Variants in TIPIN observed in about 807,000 individuals in gnomAD.
The protein encoded by TIPIN is TIMELESS-interacting protein.
In TIPIN, 29 loss-of-function variants were observed where a neutral mutation model predicts 35.6. The observed-to-expected ratio is 0.82, with a 90% CI of 0.61 to 1.11. The LOEUF is 1.11. Ranked by LOEUF, TIPIN falls within the 50% of genes most tolerant of loss-of-function variation. The probability of loss-of-function intolerance (pLI) is 0.00; values close to 1 mark genes in which losing one functional copy is unlikely to be tolerated. For synonymous variants in TIPIN, 102 were observed against 121.5 expected, an observed-to-expected ratio of 0.84 and a Z score of 1.06; for missense variants, 296 against 345.4, an observed-to-expected ratio of 0.86 and a Z score of 1.13.
Position 66,337,012 on chromosome 15 carries a change from T to A in TIPIN, c.852A>T (p.Lys284Asn). The A allele has an allele frequency of 6.2e-7, 1 of 1,613,848 alleles. No homozygotes were observed. The highest frequency in any genetic ancestry group is 8.5e-7 in the Non-Finnish European group (1 of 1,179,810). The change falls in exon 8 of 8, where the codon AAA becomes AAT. Residue 284 changes from lysine to asparagine, a missense_variant. Transcript: ENST00000261881. Reference protein sequence around the residue: ...EEETLLDQSFKNVQQQLDATS... With the variant: ...EEETLLDQSFNNVQQQLDATS... ...TAGCATCAAGTTGCTGTTGCACATTTTTAAAAGACTGGTCCAGCAGTGTTT... is the reference window on the plus strand; with the variant it reads ...TAGCATCAAGTTGCTGTTGCACATTATTAAAAGACTGGTCCAGCAGTGTTT...
chr15:66,386,258 C>G (rs1016437991), intron 1 of TIPIN, among the ~76,000 whole-genome samples: 1 of 151,314 alleles, frequency 6.6e-6, no homozygotes, highest in Non-Finnish European at 1.5e-5. Flanking sequence ...CGCCACTACA[C>G]TCCAGGCTGG....
chr15:66,365,833 C>T (rs541010014), intron 1 of TIPIN, among the ~76,000 whole-genome samples: 36 of 152,232 alleles, frequency 2.4e-4, no homozygotes, highest in African/African-American at 8.4e-4. Flanking sequence ...GTGTGAGCCA[C>T]CGCGCCCAGC....
chr15:66,347,291 C>T (rs567302249), intron 6 of TIPIN: 2 of 517,456 alleles, frequency 3.9e-6, no homozygotes, highest in South Asian at 1.4e-5. Context: ...GTGTGACTGT[C>T]TATGGTTGCA....
At chr15:66,352,082 A>T in intron 3 of TIPIN, 47 bp downstream of exon 3, 1 of 1,401,050 alleles carries the variant, frequency 7.1e-7, no homozygotes, top group Non-Finnish European at 9.7e-7. Flanking sequence ...AAAACAATGG[A>T]TATTAAAAAT....
chr15:66,364,970 A>AAAAAAAAAAAAGAAAAAG (rs1555409817), intron 1 of TIPIN, among the ~76,000 whole-genome samples: 2 of 137,606 alleles, frequency 1.5e-5, no homozygotes, highest in Admixed American at 1.5e-4. Context: ...CCATCTCAAA[A>AAAAAAAAAAAAGAAAAAG]AAAAAGAAAA....
At chr15:66,342,686 G>A (rs2093097403) in intron 6 of TIPIN, among the ~76,000 whole-genome samples, 1 of 152,090 alleles carries the variant, frequency 6.6e-6, no homozygotes, top group East Asian at 1.9e-4. Flanking sequence ...TTTTATGTAG[G>A]ACATTATCTT....
chr15:66,359,970 C>T (rs2093224033), upstream of TIPIN, among the ~76,000 whole-genome samples: 1 of 152,036 alleles, frequency 6.6e-6, no homozygotes, highest in Non-Finnish European at 1.5e-5. Context: ...TGCAGTGACA[C>T]AATCATAGCT....
intron 1 of TIPIN, among the ~76,000 whole-genome samples, chr15:66,363,707 G>A (rs2093240920): frequency 6.7e-6 from 1 of 150,232 alleles, no homozygotes; most frequent in African/African-American, 2.5e-5. Flanking sequence ...GCACCGCTGG[G>A]TGCGGTGGCT....
At chr15:66,338,581 G>A (rs62627333) in intron 7 of TIPIN, among the ~76,000 whole-genome samples, 2 of 152,116 alleles carry the variant, frequency 1.3e-5, no homozygotes, top group East Asian at 3.9e-4. Context: ...TTAGGAGACC[G>A]AGGTGGGTGG....
intron 6 of TIPIN, among the ~76,000 whole-genome samples, chr15:66,345,024 C>T (rs761135959): frequency 2.0e-5 from 3 of 152,002 alleles, no homozygotes; most frequent in Non-Finnish European, 2.9e-5. Flanking sequence ...TAAAGACAAA[C>T]TAAAACATAA....
intron 1 of TIPIN, among the ~76,000 whole-genome samples, chr15:66,370,002 A>G (rs915370060): frequency 6.6e-6 from 1 of 152,172 alleles, no homozygotes; most frequent in South Asian, 2.1e-4. Flanking sequence ...CCCAATTATG[A>G]CATGTATTTG....
At chr15:66,339,024 G>C (rs924370181) in intron 7 of TIPIN, among the ~76,000 whole-genome samples, 1 of 146,760 alleles carries the variant, frequency 6.8e-6, no homozygotes, top group African/African-American at 2.5e-5. Context: ...CTAGCTACTT[G>C]AGGAGGCTGA....
intron 7 of TIPIN, among the ~76,000 whole-genome samples, chr15:66,340,011 A>G (rs2093073914): frequency 6.6e-6 from 1 of 150,636 alleles, no homozygotes; most frequent in African/African-American, 2.4e-5. Flanking sequence ...CTGGGTTTAC[A>G]GGCAGGTACA....
At chr15:66,370,158 T>C (rs182199924) in intron 1 of TIPIN, among the ~76,000 whole-genome samples, 1,884 of 152,216 alleles carry the variant, frequency 0.012, 33 homozygotes, top group African/African-American at 0.041. Flanking sequence ...TGGTATGTCC[T>C]GAGTATATCT....
chr15:66,363,591 G>A (rs1304330748), intron 1 of TIPIN, among the ~76,000 whole-genome samples: 10 of 151,604 alleles, frequency 6.6e-5, no homozygotes, highest in African/African-American at 1.9e-4. Flanking sequence ...GCAGTGAGCC[G>A]AGATCGCGCC....
intron 1 of TIPIN, among the ~76,000 whole-genome samples, chr15:66,367,581 G>A (rs1367610714): frequency 1.3e-5 from 2 of 151,746 alleles, no homozygotes; most frequent in Non-Finnish European, 2.9e-5. Context: ...TTTTAGTAGA[G>A]ATGGGATTTC....
intron 1 of TIPIN, 130 bp from the exon 2 acceptor site, chr15:66,353,085 G>C: frequency 1.2e-6 from 1 of 834,770 alleles, no homozygotes. Context: ...ATCATGAAAA[G>C]TAGAGAAGAT....
intron 1 of TIPIN, among the ~76,000 whole-genome samples, chr15:66,376,418 AT>A (rs995699679): frequency 6.3e-4 from 95 of 151,436 alleles, no homozygotes; most frequent in African/African-American, 2.2e-3. Flanking sequence ...ATGTCTAATA[AT>A]TTTTTTCTTT....
chr15:66,361,900 A>G (rs1296933058), intron 1 of TIPIN, among the ~76,000 whole-genome samples: 2 of 152,014 alleles, frequency 1.3e-5, no homozygotes, highest in African/African-American at 2.4e-5. Context: ...AATCACTCCA[A>G]TGTGGAAGTG....
Sources: gnomAD v4.1 joint callset for allele counts (sites outside exome capture counted in the v4.1 genomes callset) on GRCh38, gnomAD v4.1.1 for gene constraint, MANE v1.5 for transcripts, NCBI Gene and HGNC (gene_info 2026-07-23, HGNC 2026-07-21) for gene names.